The following C1GALT1 variants were observed in gnomAD, a reference collection of about 807,000 sequenced individuals.
C1GALT1 encodes glycoprotein-N-acetylgalactosamine 3-beta-galactosyltransferase 1.
Under a neutral mutation model 31.0 loss-of-function variants are expected in C1GALT1, and 11 were observed. The ratio of observed to expected loss-of-function variants is 0.36; its 90% CI spans 0.22 to 0.59. The LOEUF (loss-of-function observed/expected upper bound fraction) is 0.59. Ranked by LOEUF, C1GALT1 falls within the 20% of genes least tolerant of loss-of-function variation. The probability of loss-of-function intolerance (pLI) is 0.79; values close to 1 mark genes in which losing one functional copy is unlikely to be tolerated. For synonymous variants in C1GALT1, 175 were observed against 143.6 expected (o/e 1.22, Z -1.56); for missense variants, 424 against 425.2 (o/e 1.00, Z 0.03).
intron 1 of C1GALT1, among the ~76,000 whole-genome samples, chr7:7,211,588 T>A (rs1583788182): frequency 1.3e-5 from 2 of 152,170 alleles, no homozygotes; most frequent in East Asian, 3.9e-4. Context: ...GTAGAGTGAG[T>A]ATAGCAGTTC....
chr7:7,248,184 TA>T lies in C1GALT1; in HGVS notation c.*4462del, dbSNP rs917814808. ...ATGTGTTTATATATAAGATTTGAAA[TA>T]AAAACTTTAATACAGGCTAGAATAA... On this transcript the variant is annotated 3_prime_UTR_variant, in exon 4 of 4. Transcript: ENST00000436587. 2.0e-5 allele frequency: 3 copies of T among 151,978 alleles called. No individual in the cohort carries two copies. Among genetic ancestry groups the T allele is most frequent in the Non-Finnish European group, 2.9e-5 (2 of 67,852 alleles). The allele number at this position is 151,978 out of a possible 1,614,324, so 9.4% of individuals were successfully genotyped here.
intron 2 of C1GALT1, 146 bp downstream of exon 2, chr7:7,234,685 G>C: frequency 1.7e-6 from 1 of 603,626 alleles, no homozygotes; most frequent in Non-Finnish European, 2.8e-6. Context: ...GAAGGGAATT[G>C]CTAAAACTCA....
At chr7:7,211,516 A>G (rs758931778) in intron 1 of C1GALT1, among the ~76,000 whole-genome samples, 11 of 152,224 alleles carry the variant, frequency 7.2e-5, no homozygotes, top group African/African-American at 2.4e-4. Flanking sequence ...TACAACAGCA[A>G]TGGAAACTCT....
rs143282288 is a variant in C1GALT1 at position 7,244,485 on chromosome 7, G to A, written c.*758G>A. The stretch of plus-strand genomic sequence containing the variant: ...CTATTAACATTAATTTACTCAAACC[G>A]TTCATAGCATTCTGTAAACATGTAT... On this transcript the variant is annotated 3_prime_UTR_variant, in exon 4 of 4. Transcript: ENST00000436587. 6.6e-6 allele frequency: 1 copy of A among 151,962 alleles called. No individual in the cohort carries two copies. Among genetic ancestry groups the A allele is most frequent in the Non-Finnish European group, 1.5e-5 (1 of 67,958 alleles). 9.4% of individuals were successfully genotyped at this position (151,962 alleles called of 1,614,324 possible).
intron 1 of C1GALT1, among the ~76,000 whole-genome samples, chr7:7,228,180 ATAT>A (rs72442432): frequency 0.035 from 5,299 of 152,274 alleles, 323 homozygotes; most frequent in African/African-American, 0.12. Context: ...TAATCACAAA[ATAT>A]TAATAATTGT....
chr7:7,211,460 T>C (rs2128239021), intron 1 of C1GALT1, among the ~76,000 whole-genome samples: 1 of 152,318 alleles, frequency 6.6e-6, no homozygotes, highest in South Asian at 2.1e-4. Context: ...CATGCTTCCT[T>C]GTCAGTAACT....
At chr7:7,204,937 T>C (rs1781673507) in intron 1 of C1GALT1, among the ~76,000 whole-genome samples, 1 of 152,194 alleles carries the variant, frequency 6.6e-6, no homozygotes, top group Non-Finnish European at 1.5e-5. Flanking sequence ...AACACTTTAT[T>C]TGTGGCCTAA....
At chr7:7,226,523 G>A (rs907619362) in intron 1 of C1GALT1, among the ~76,000 whole-genome samples, 1 of 152,158 alleles carries the variant, frequency 6.6e-6, no homozygotes, top group African/African-American at 2.4e-5. Flanking sequence ...TGAAAACCAA[G>A]CATAAGAGAA....
intron 3 of C1GALT1, among the ~76,000 whole-genome samples, chr7:7,240,528 A>C (rs1272064122): frequency 6.6e-6 from 1 of 152,260 alleles, no homozygotes; most frequent in Non-Finnish European, 1.5e-5. Flanking sequence ...TCCTTTTCCC[A>C]TATAAAAAAT....
intron 1 of C1GALT1, among the ~76,000 whole-genome samples, chr7:7,233,326 C>T (rs2128248458): frequency 6.6e-6 from 1 of 152,040 alleles, no homozygotes; most frequent in East Asian, 1.9e-4. Flanking sequence ...TTGAGTGGTG[C>T]AGTCTTGGCA....
At chr7:7,233,587 A>G (rs558377173) in intron 1 of C1GALT1, among the ~76,000 whole-genome samples, 13 of 152,274 alleles carry the variant, frequency 8.5e-5, no homozygotes, top group Admixed American at 4.6e-4. Context: ...AACTTTTTCT[A>G]TAAAGGGCTA....
chr7:7,212,048 T>C (rs1329906130), intron 1 of C1GALT1, among the ~76,000 whole-genome samples: 1 of 152,220 alleles, frequency 6.6e-6, no homozygotes, highest in African/African-American at 2.4e-5. Flanking sequence ...TTAGCAAGAA[T>C]GGTTATTTCT....
intron 1 of C1GALT1, 80 bp from the exon 2 acceptor site, chr7:7,234,223 C>G (rs1164482313): frequency 9.7e-7 from 1 of 1,032,274 alleles, no homozygotes; most frequent in Non-Finnish European, 1.4e-6. Context: ...TCCGTTATAG[C>G]TAAATGTTAC....
chr7:7,163,118 A>C (rs934146042), intron 2 of C1GALT1, among the ~76,000 whole-genome samples: 1 of 152,090 alleles, frequency 6.6e-6, no homozygotes, highest in African/African-American at 2.4e-5. Context: ...TCTTTAGTTT[A>C]ATTAGATCCC....
intron 2 of C1GALT1, among the ~76,000 whole-genome samples, chr7:7,172,866 C>T (rs564853788): frequency 2.8e-4 from 42 of 152,276 alleles, no homozygotes; most frequent in Admixed American, 5.2e-4. Flanking sequence ...GTTATACATT[C>T]TGTAAGTTTT....
At chr7:7,201,356 C>A (rs769927582) in intron 1 of C1GALT1, among the ~76,000 whole-genome samples, 59 of 152,184 alleles carry the variant, frequency 3.9e-4, no homozygotes, top group Admixed American at 7.2e-4. Flanking sequence ...CCCGATCTTT[C>A]CTCTGGAAGC....
Position 7,183,173 on chromosome 7 carries a change from C to G in C1GALT1, c.-18+353C>G, listed in dbSNP as rs115095358. Among the ~76,000 whole-genome samples the G allele has an allele frequency of 3.0e-3, 453 of 152,080 alleles. 4 individuals carry two copies. Among genetic ancestry groups the G allele is most frequent in the African/African-American group, 0.01 (430 of 41,520 alleles). ...GGCGCGGCGGGGCGCGCAGTGCGCC[C>G]GGACCGGACCACTTAGCGGTCCTGC... On this transcript the variant is annotated intron_variant, in intron 1 of 3. Transcript: ENST00000436587.
chr7:7,161,519 G>A (rs1780333877), intron 2 of C1GALT1, among the ~76,000 whole-genome samples: 1 of 152,076 alleles, frequency 6.6e-6, no homozygotes. Context: ...TATAAGAGTT[G>A]CTGATAAAAA....
rs982389318 is a variant in C1GALT1 at position 7,234,371 on chromosome 7, A to T, written c.52A>T (p.Ile18Leu). ...NFLTFLCGSA[I>L]GFLLCSQLFS... is the part of the protein sequence containing the mutation. ...TTTAACCTTCCTCTGTGGATCAGCA[A>T]TAGGATTTCTTTTATGTTCTCAGCT... The change falls in exon 2 of 4, where the codon ATA becomes TTA. Residue 18 changes from isoleucine to leucine, a missense_variant. Coordinates refer to ENST00000436587, the MANE Select transcript of C1GALT1 (RefSeq NM_020156.5). The T allele has an allele frequency of 1.2e-6, 2 of 1,613,888 alleles. No individual in the cohort carries two copies. The highest frequency in any genetic ancestry group is 1.7e-6 in the Non-Finnish European group (2 of 1,179,960).
Sources: gnomAD v4.1 joint callset for allele counts (sites outside exome capture counted in the v4.1 genomes callset) on GRCh38, gnomAD v4.1.1 for gene constraint, MANE v1.5 for transcripts, NCBI Gene and HGNC (gene_info 2026-07-23, HGNC 2026-07-21) for gene names.